Variants in FRMD4A observed in about 807,000 individuals in gnomAD.
The protein encoded by FRMD4A is FERM domain-containing protein 4A.
FRMD4A carries 29 observed loss-of-function variants against 129.1 expected under a neutral mutation model. The ratio of observed to expected loss-of-function variants is 0.22; its 90% CI spans 0.17 to 0.31. The LOEUF is 0.31. Among genes scored for constraint, FRMD4A ranks in the 10% least tolerant of loss-of-function variants. The pLI, the probability that FRMD4A is intolerant of heterozygous loss-of-function variation, is 1.00. For synonymous variants in FRMD4A, 634 were observed against 571.6 expected (o/e 1.11, Z -1.56); for missense variants, 1,272 against 1,375.8 (o/e 0.92, Z 1.19).
At chr10:14,115,056 A>C (rs1333002218) in intron 2 of FRMD4A, among the ~76,000 whole-genome samples, 2 of 152,134 alleles carry the variant, frequency 1.3e-5, no homozygotes, top group African/African-American at 4.8e-5. Context: ...CCACCCACCA[A>C]GCAAGCCTCT....
chr10:14,249,515 C>T (rs577901939), intron 2 of FRMD4A, among the ~76,000 whole-genome samples: 1 of 152,312 alleles, frequency 6.6e-6, no homozygotes, highest in South Asian at 2.1e-4. Context: ...ACCCCAGTGT[C>T]CATCTCCTCA....
chr10:14,329,362 T>C (rs1330185389), intron 2 of FRMD4A, among the ~76,000 whole-genome samples: 1 of 152,094 alleles, frequency 6.6e-6, no homozygotes, highest in African/African-American at 2.4e-5. Flanking sequence ...AAAAGCCAAT[T>C]GGGTTGGAAC....
At chr10:14,172,713 C>A (rs1328413274) in intron 2 of FRMD4A, among the ~76,000 whole-genome samples, 1 of 152,172 alleles carries the variant, frequency 6.6e-6, no homozygotes, top group Non-Finnish European at 1.5e-5. Flanking sequence ...ATTTTCTTTG[C>A]TGTGGTAGGG....
chr10:13,902,362 G>A (rs1014022079), intron 2 of FRMD4A, among the ~76,000 whole-genome samples: 13 of 151,694 alleles, frequency 8.6e-5, no homozygotes, highest in Non-Finnish European at 1.6e-4. Context: ...TTAACATTTA[G>A]AAAGATCTCT....
At chr10:14,182,801 G>A (rs1376787976) in intron 2 of FRMD4A, among the ~76,000 whole-genome samples, 1 of 152,186 alleles carries the variant, frequency 6.6e-6, no homozygotes, top group Admixed American at 6.5e-5. Flanking sequence ...AGGATTAGAG[G>A]TAACAATCAC....
At chr10:13,745,039 A>T (rs1354775723) in intron 9 of FRMD4A, among the ~76,000 whole-genome samples, 1 of 152,252 alleles carries the variant, frequency 6.6e-6, no homozygotes, top group African/African-American at 2.4e-5. Context: ...TTTGTTGCAT[A>T]TGTCAAAGTA....
At chr10:14,182,878 C>T (rs775659170) in intron 2 of FRMD4A, among the ~76,000 whole-genome samples, 6 of 152,144 alleles carry the variant, frequency 3.9e-5, no homozygotes, top group Non-Finnish European at 8.8e-5. Flanking sequence ...TGGAAGCAAA[C>T]GTTGGGAGAA....
At chr10:13,884,152 A>ACTCT (rs375940506) in intron 2 of FRMD4A, among the ~76,000 whole-genome samples, 4 of 23,380 alleles carry the variant, frequency 1.7e-4, no homozygotes, top group East Asian at 2.5e-3. Flanking sequence ...ACTCTCACAC[A>ACTCT]CTCTCACACA....
chr10:13,795,843 A>G (rs923367500), intron 5 of FRMD4A, among the ~76,000 whole-genome samples: 1 of 152,206 alleles, frequency 6.6e-6, no homozygotes, highest in Non-Finnish European at 1.5e-5. Flanking sequence ...TGCAAACGGA[A>G]GTGGTAAGTC....
intron 2 of FRMD4A, among the ~76,000 whole-genome samples, chr10:14,016,751 T>TC (rs1471165313): frequency 6.6e-6 from 1 of 152,200 alleles, no homozygotes; most frequent in Non-Finnish European, 1.5e-5. Context: ...AAATGCACCA[T>TC]CTGCTGCATG....
intron 6 of FRMD4A, among the ~76,000 whole-genome samples, chr10:13,770,045 C>A (rs2092412237): frequency 1.3e-5 from 2 of 152,164 alleles, no homozygotes; most frequent in African/African-American, 2.4e-5. Context: ...TATATCCTAT[C>A]GGTTCTGTCC....
chr10:14,112,868 A>G (rs1357264904), intron 2 of FRMD4A, among the ~76,000 whole-genome samples: 1 of 152,158 alleles, frequency 6.6e-6, no homozygotes, highest in African/African-American at 2.4e-5. Flanking sequence ...AAAGGAAACT[A>G]TGCTTCCAAC....
chr10:14,216,156 G>A (rs185992299), intron 2 of FRMD4A, among the ~76,000 whole-genome samples: 9 of 152,174 alleles, frequency 5.9e-5, no homozygotes, highest in Admixed American at 3.9e-4. Flanking sequence ...CCAAAATTCC[G>A]TCCCGGGGTC....
chr10:14,186,489 T>C (rs1842150039), intron 2 of FRMD4A, among the ~76,000 whole-genome samples: 1 of 152,194 alleles, frequency 6.6e-6, no homozygotes, highest in Non-Finnish European at 1.5e-5. Flanking sequence ...AGATCTGAGC[T>C]GGACTCCTGT....
chr10:14,010,664 CTTTTTTTTTTTT>C (rs779471389), intron 2 of FRMD4A, among the ~76,000 whole-genome samples: 3 of 76,428 alleles, frequency 3.9e-5, no homozygotes, highest in South Asian at 7.3e-4. Flanking sequence ...GAGTTTAGGT[CTTTTTTTTTTTT>C]TTTTTTTTTT....
chr10:13,868,512 C>T (rs968152246), intron 2 of FRMD4A, among the ~76,000 whole-genome samples: 1 of 152,048 alleles, frequency 6.6e-6, no homozygotes, highest in African/African-American at 2.4e-5. Flanking sequence ...AAAAAACATA[C>T]GCAGGTGTGG....
At chr10:14,239,145 T>C (rs753186528) in intron 2 of FRMD4A, among the ~76,000 whole-genome samples, 74 of 152,208 alleles carry the variant, frequency 4.9e-4, no homozygotes, top group Non-Finnish European at 8.8e-4. Flanking sequence ...GATGCCTGAC[T>C]TTACTTTTCA....
intron 2 of FRMD4A, among the ~76,000 whole-genome samples, chr10:13,863,656 G>A (rs35799423): frequency 0.49 from 74,124 of 151,584 alleles, 18,065 homozygotes; most frequent in East Asian, 0.64. Flanking sequence ...GGGATTAAGA[G>A]GCAAAAAAAT....
intron 2 of FRMD4A, among the ~76,000 whole-genome samples, chr10:14,163,302 T>C (rs1178297502): frequency 6.6e-6 from 1 of 152,258 alleles, no homozygotes; most frequent in Admixed American, 6.5e-5. Context: ...ATGCTCTTTG[T>C]GTAAGGCATT....
Sources: allele counts gnomAD v4.1 joint callset (sites outside exome capture counted in the v4.1 genomes callset), GRCh38; gene constraint gnomAD v4.1.1; transcripts MANE v1.5; gene names NCBI Gene and HGNC (gene_info 2026-07-23, HGNC 2026-07-21).